Variants in CCDC171 observed in about 807,000 individuals in gnomAD.
CCDC171 encodes coiled-coil domain containing 171.
A neutral mutation model predicts 168.2 loss-of-function variants in CCDC171; 177 were observed. The observed-to-expected ratio is 1.05, with a 90% CI of 0.93 to 1.19. The LOEUF (loss-of-function observed/expected upper bound fraction) is 1.19. Among genes scored for constraint, CCDC171 ranks in the 50% most tolerant of loss-of-function variants. CCDC171 has a pLI of 0.00. For synonymous variants in CCDC171, 687 were observed against 540.8 expected (o/e 1.27, Z -3.75); for missense variants, 1,991 against 1,539.0 (o/e 1.29, Z -4.91).
intron 3 of CCDC171, among the ~76,000 whole-genome samples, chr9:15,984,344 G>A (rs575667763): frequency 1.7e-4 from 26 of 152,144 alleles, no homozygotes; most frequent in Non-Finnish European, 3.2e-4. Flanking sequence ...CTGTGGTTAG[G>A]TATGGGGTTA....
chr9:15,848,570 A>G (rs142148835), intron 22 of CCDC171, among the ~76,000 whole-genome samples: 2 of 152,014 alleles, frequency 1.3e-5, no homozygotes, highest in African/African-American at 4.8e-5. Flanking sequence ...TAAATGATCA[A>G]TAATGTAATT....
intron 8 of CCDC171, among the ~76,000 whole-genome samples, chr9:15,662,267 ACT>A (rs2048375294): frequency 6.6e-6 from 1 of 151,878 alleles, no homozygotes. Flanking sequence ...ACAGAGTGAG[ACT>A]CTGTCCCCAT....
chr9:15,579,103 C>A, intron 4 of CCDC171, 80 bp downstream of exon 4: 1 of 1,065,188 alleles, frequency 9.4e-7, no homozygotes, highest in Non-Finnish European at 1.4e-6. Context: ...GTGTACATCC[C>A]ATACAGGGTC....
At chr9:16,103,256 TCA>T in the CCDC171 span, among the ~76,000 whole-genome samples, 31 of 152,314 alleles carry the variant, frequency 2.0e-4, no homozygotes, top group African/African-American at 7.0e-4. Flanking sequence ...AGAAGGGCAC[TCA>T]CAGTCACCAG....
At chr9:16,050,324 A>C (rs190303382) in intron 1 of CCDC171, among the ~76,000 whole-genome samples, 1 of 152,376 alleles carries the variant, frequency 6.6e-6, no homozygotes, top group Non-Finnish European at 1.5e-5. Context: ...AAATTGCTTA[A>C]TTGCAATCGC....
chr9:15,638,966 C>G (rs1000604296), intron 7 of CCDC171, among the ~76,000 whole-genome samples: 1 of 151,968 alleles, frequency 6.6e-6, no homozygotes, highest in African/African-American at 2.4e-5. Context: ...TCTGAGAGAA[C>G]TGAAGAATCT....
chr9:15,874,711 A>T, intron 24 of CCDC171, 48 bp downstream of exon 24: 1 of 1,461,408 alleles, frequency 6.8e-7, no homozygotes, highest in East Asian at 2.5e-5. Context: ...ATAGAAAAAT[A>T]AATTGCACTA....
chr9:15,658,817 C>T (rs1478422981), intron 8 of CCDC171, among the ~76,000 whole-genome samples: 1 of 152,070 alleles, frequency 6.6e-6, no homozygotes, highest in Non-Finnish European at 1.5e-5. Flanking sequence ...CCCAGAAGAC[C>T]CATTTCAGAA....
intron 3 of CCDC171, among the ~76,000 whole-genome samples, chr9:15,988,161 A>G (rs1244303534): frequency 6.6e-6 from 1 of 152,244 alleles, no homozygotes; most frequent in African/African-American, 2.4e-5. Flanking sequence ...TCACCAGGAT[A>G]CTGTCTCAGC....
At chr9:15,682,018 G>A (rs1165756528) in intron 10 of CCDC171, among the ~76,000 whole-genome samples, 3 of 151,914 alleles carry the variant, frequency 2.0e-5, no homozygotes, top group African/African-American at 4.8e-5. Context: ...CTTCCCTTTT[G>A]AGGTACCAGA....
rs147064191 is a variant in CCDC171 at position 15,569,010 on chromosome 9, C to T, written c.42-2614C>T. 4.6e-4 allele frequency among the ~76,000 whole-genome samples: 70 copies of T among 152,292 alleles called. 1 individual carries two copies. The highest frequency in any genetic ancestry group is 1.6e-3 in the African/African-American group (66 of 41,572). ...GGATGGTATTGCCTAGGTTGTCTTT[C>T]AGGGATTTTTATAGTCAAACATATT... On this transcript the variant is annotated intron_variant, in intron 2 of 25. Transcript: ENST00000380701.
intron 1 of CCDC171, among the ~76,000 whole-genome samples, chr9:15,554,245 C>T (rs553253971): frequency 2.6e-5 from 4 of 152,306 alleles, no homozygotes; most frequent in East Asian, 1.9e-4. Context: ...TGGTCTCGAT[C>T]TCCTGACATC....
Position 15,657,208 on chromosome 9 carries a change from G to T in CCDC171, c.904G>T (p.Glu302Ter). ...AAHLESKFNS[E>*]IIQLRIRDLE... Reference sequence around the variant, plus strand: ...GCATTTGGAATCAAAATTTAATTCTGAAATTATTCAGGTAAAATGTAAACA... The same window carrying T: ...GCATTTGGAATCAAAATTTAATTCTTAAATTATTCAGGTAAAATGTAAACA... The change falls in exon 8 of 26, where the codon GAA (glutamate) becomes TAA (stop). Residue 302 changes from glutamate to a stop codon, truncating the protein, a stop_gained. Transcript: ENST00000380701. LOFTEE classifies it high-confidence loss of function. 6.2e-7 allele frequency: 1 copy of T among 1,600,386 alleles called. No individual in the cohort carries two copies. Among genetic ancestry groups the T allele is most frequent in the South Asian group, 1.1e-5 (1 of 90,482 alleles).
intron 2 of CCDC171, among the ~76,000 whole-genome samples, chr9:15,565,247 C>G (rs976106624): frequency 6.6e-6 from 1 of 152,062 alleles, no homozygotes; most frequent in Non-Finnish European, 1.5e-5. Flanking sequence ...TGCTGCCACG[C>G]CTGGCTAATT....
At chr9:15,958,207 T>A (rs1395258006) in intron 25 of CCDC171, among the ~76,000 whole-genome samples, 1 of 152,008 alleles carries the variant, frequency 6.6e-6, no homozygotes, top group Non-Finnish European at 1.5e-5. Context: ...TGCAGGCCAC[T>A]GGTAATACAG....
intron 23 of CCDC171, among the ~76,000 whole-genome samples, chr9:15,858,306 A>G (rs1020280926): frequency 6.6e-5 from 10 of 152,126 alleles, no homozygotes; most frequent in Admixed American, 2.0e-4. Flanking sequence ...GGCATGAGCC[A>G]CTGCATCCAG....
At chr9:15,905,403 A>C (rs1392016789) in intron 24 of CCDC171, among the ~76,000 whole-genome samples, 1 of 152,206 alleles carries the variant, frequency 6.6e-6, no homozygotes, top group Non-Finnish European at 1.5e-5. Context: ...GAAACTGAAC[A>C]ACCTGCTCCT....
chr9:15,804,983 G>C (rs988074408), intron 21 of CCDC171, among the ~76,000 whole-genome samples: 1 of 152,048 alleles, frequency 6.6e-6, no homozygotes, highest in Non-Finnish European at 1.5e-5. Context: ...TCAGTCTTGG[G>C]AGGGTATATG....
intron 6 of CCDC171, among the ~76,000 whole-genome samples, chr9:15,596,642 C>T (rs1275335892): frequency 6.6e-6 from 1 of 151,628 alleles, no homozygotes; most frequent in East Asian, 1.9e-4. Flanking sequence ...TTTTTTGGTT[C>T]CATATGAACT....
Sources: gnomAD v4.1 joint callset for allele counts (sites outside exome capture counted in the v4.1 genomes callset) on GRCh38, gnomAD v4.1.1 for gene constraint, MANE v1.5 for transcripts, NCBI Gene and HGNC (gene_info 2026-07-23, HGNC 2026-07-21) for gene names.